Variants in NUGGC observed in about 807,000 individuals in gnomAD.
NUGGC encodes the protein nuclear GTPase, germinal center associated, also known as nuclear GTPase SLIP-GC.
NUGGC carries 58 observed loss-of-function variants against 92.6 expected under a neutral mutation model. The observed-to-expected ratio is 0.63, with a 90% CI of 0.51 to 0.78. NUGGC has a LOEUF of 0.78. Among genes scored for constraint, NUGGC ranks in the 30% least tolerant of loss-of-function variants. NUGGC has a pLI of 0.00. For missense variants in NUGGC, 925 were observed against 964.6 expected, an observed-to-expected ratio of 0.96 and a Z score of 0.54; for synonymous variants, 376 against 366.4, an observed-to-expected ratio of 1.03 and a Z score of -0.30.
intron 14 of NUGGC, 146 bp from the exon 15 acceptor site, chr8:28,031,527 C>A: frequency 1.3e-6 from 1 of 778,864 alleles, no homozygotes; most frequent in Middle Eastern, 3.4e-4. Context: ...ATGTGCCAGG[C>A]ACTGTGCTGT....
chr8:28,065,860 G>A (rs945106694), intron 6 of NUGGC, among the ~76,000 whole-genome samples: 1 of 152,184 alleles, frequency 6.6e-6, no homozygotes, highest in Non-Finnish European at 1.5e-5. Flanking sequence ...GATAATAAAA[G>A]CTCTTTAAGA....
chr8:28,069,680 C>A, intron 3 of NUGGC, 28 bp from the exon 4 acceptor site: 11 of 1,285,598 alleles, frequency 8.6e-6, no homozygotes, highest in Non-Finnish European at 1.2e-5. Context: ...ATGTCACCTG[C>A]AGGTACCTGG....
intron 10 of NUGGC, among the ~76,000 whole-genome samples, chr8:28,051,712 C>A (rs1317098332): frequency 6.6e-6 from 1 of 152,088 alleles, no homozygotes; most frequent in South Asian, 2.1e-4. Context: ...CACCTGAGGT[C>A]GGGAGTTTGA....
At chr8:28,026,935 CT>C (rs1019491635) in intron 18 of NUGGC, 26 bp downstream of exon 18, 4 of 1,479,648 alleles carry the variant, frequency 2.7e-6, no homozygotes, top group Non-Finnish European at 3.8e-6. Context: ...CACAATCACC[CT>C]GTATACAAAG....
intron 1 of NUGGC, among the ~76,000 whole-genome samples, chr8:28,077,567 A>AG (rs1810754090): frequency 6.6e-6 from 1 of 152,090 alleles, no homozygotes; most frequent in African/African-American, 2.4e-5. Context: ...CCTGTCTCAA[A>AG]GAAAAAAAAA....
intron 7 of NUGGC, among the ~76,000 whole-genome samples, chr8:28,061,056 AT>A: frequency 6.6e-6 from 1 of 152,288 alleles, no homozygotes; most frequent in Middle Eastern, 3.4e-3. Flanking sequence ...GATTGACAGA[AT>A]TCCCTAAATC....
chr8:28,028,031 T>A (rs567837772), intron 17 of NUGGC, among the ~76,000 whole-genome samples: 3 of 150,818 alleles, frequency 2.0e-5, no homozygotes, highest in Admixed American at 6.6e-5. Flanking sequence ...TAAAATATTT[T>A]AAAAAACTAA....
chr8:28,049,683 C>G (rs1809937888), intron 10 of NUGGC, among the ~76,000 whole-genome samples: 1 of 152,182 alleles, frequency 6.6e-6, no homozygotes, highest in South Asian at 2.1e-4. Context: ...AGAAACATTA[C>G]ACACTGTTCT....
intron 18 of NUGGC, among the ~76,000 whole-genome samples, chr8:28,025,542 A>G (rs1357202738): frequency 2.6e-5 from 4 of 152,206 alleles, no homozygotes; most frequent in African/African-American, 9.6e-5. Flanking sequence ...AATGACTATC[A>G]TCTTAAAACT....
Position 28,067,510 on chromosome 8 carries a change from C to T in NUGGC, c.711+4G>A, listed in dbSNP as rs1378965696. On this transcript the variant is annotated splice_donor_region_variant and intron_variant, in intron 6 of 18. Coordinates refer to ENST00000413272, the MANE Select transcript of NUGGC (RefSeq NM_001010906.2). ...AATCAAGGAAAAAACGAACTTGACGCTACCTCTTCCGCCTTGAGGGTGATG... is the reference window on the plus strand; with the variant it reads ...AATCAAGGAAAAAACGAACTTGACGTTACCTCTTCCGCCTTGAGGGTGATG... 1.3e-6 allele frequency: 2 copies of T among 1,593,496 alleles called. No homozygotes were observed. The highest frequency in any genetic ancestry group is 1.3e-5 in the African/African-American group (1 of 74,556).
At chr8:28,074,547 T>C in intron 1 of NUGGC, 91 bp from the exon 2 acceptor site, 1 of 781,562 alleles carries the variant, frequency 1.3e-6, no homozygotes. Flanking sequence ...GCTTGTGCGG[T>C]ATTTCTGCCC....
rs1810494588 is a variant in NUGGC at position 28,068,225 on chromosome 8, C to G, written c.471G>C (p.Leu157=). Residue 157 remains leucine (L), a synonymous_variant, in exon 5 of 19, where the codon CTG becomes CTC. Transcript: ENST00000413272. ...CVQYEAKIHL[L]SDQEWREELK... ...GGAAGGGAACACTTACCTGGTCAGA[C>G]AGAAGGTGGATTTTGGCCTCATACT... The G allele has an allele frequency of 1.3e-6, 2 of 1,546,930 alleles. No individual in the cohort carries two copies. Among genetic ancestry groups the G allele is most frequent in the South Asian group, 1.2e-5 (1 of 83,902 alleles).
At chr8:28,047,452 TG>T (rs1198773917) in intron 11 of NUGGC, 54 bp downstream of exon 11, 79 of 1,148,190 alleles carry the variant, frequency 6.9e-5, no homozygotes, top group Non-Finnish European at 9.3e-5. Context: ...AAATTCGAAG[TG>T]CCAAGCTTGA....
intron 12 of NUGGC, among the ~76,000 whole-genome samples, chr8:28,043,314 A>G (rs1384050802): frequency 6.6e-6 from 1 of 152,252 alleles, no homozygotes; most frequent in African/African-American, 2.4e-5. Flanking sequence ...GTGGTCCTCA[A>G]CTTCCTATGG....
rs1325436942 is a variant in NUGGC, at chr8:28,067,659, C to T, written c.566G>A (p.Arg189Lys). The T allele has an allele frequency of 6.2e-7, 1 of 1,613,906 alleles. No homozygotes were observed. The highest frequency in any genetic ancestry group is 1.3e-5 in the African/African-American group (1 of 74,956). ...LSREEADAWN[R>K]DEAVEEATWK... ...GGTGGCTTCCTCCACTGCCTCATCC[C>T]TGTTCCACGCATCTGCCTCTTCTCT... The change falls in exon 6 of 19, where the codon AGG (arginine) becomes AAG (lysine). Residue 189 changes from arginine to lysine, a missense_variant. Arg to Lys is a conservative substitution (Grantham distance 26). Transcript: ENST00000413272.
intron 13 of NUGGC, among the ~76,000 whole-genome samples, chr8:28,038,504 G>A (rs1285195604): frequency 6.6e-6 from 1 of 152,176 alleles, no homozygotes; most frequent in African/African-American, 2.4e-5. Context: ...AGGAACCTGA[G>A]GCACAGAGAG....
In NUGGC at chr8:28,063,633, C is replaced by T. The variant is rs75799670; in HGVS notation, c.921+889G>A. Among the ~76,000 whole-genome samples, 459 of 152,286 alleles carry T rather than the reference C, an allele frequency of 3.0e-3. 2 individuals carry two copies. Among genetic ancestry groups the T allele is most frequent in the Non-Finnish European group, 5.5e-3 (377 of 68,012 alleles). On this transcript the variant is annotated intron_variant, in intron 7 of 18. Coordinates refer to ENST00000413272, the MANE Select transcript of NUGGC (RefSeq NM_001010906.2). ...AACCTGCTCTCCAAGGCTGTGTGGT[C>T]CTGGACAAGTGACTTTCCCTCTCTG... is the stretch of plus-strand genomic sequence containing the variant.
intron 13 of NUGGC, 61 bp from the exon 14 acceptor site, chr8:28,033,758 A>G (rs1809483675): frequency 2.1e-6 from 3 of 1,438,644 alleles, no homozygotes; most frequent in African/African-American, 2.8e-5. Flanking sequence ...CTGGATTAGA[A>G]TTGCATTGCC....
intron 11 of NUGGC, 107 bp downstream of exon 11, chr8:28,047,399 TG>T: frequency 1.5e-6 from 1 of 660,984 alleles, no homozygotes; most frequent in Non-Finnish European, 2.6e-6. Flanking sequence ...CATGGCAAGC[TG>T]GAAAAAAATT....
Sources: gnomAD v4.1 joint callset for allele counts (sites outside exome capture counted in the v4.1 genomes callset) on GRCh38, gnomAD v4.1.1 for gene constraint, MANE v1.5 for transcripts, NCBI Gene and HGNC (gene_info 2026-07-23, HGNC 2026-07-21) for gene names.